GUCY2F: variants seen among roughly 807,000 people sequenced by gnomAD.
GUCY2F encodes retinal guanylyl cyclase 2.
Under a neutral mutation model 73.1 loss-of-function variants are expected in GUCY2F, and 61 were observed. The ratio of observed to expected loss-of-function variants is 0.83; its 90% CI spans 0.68 to 1.03. The LOEUF (loss-of-function observed/expected upper bound fraction) is 1.03, where lower values mean the gene tolerates loss of function less well. Ranked by LOEUF, GUCY2F falls within the 50% of genes least tolerant of loss-of-function variation. The pLI is 0.00. For missense variants in GUCY2F, 912 were observed against 854.3 expected, an observed-to-expected ratio of 1.07 and a Z score of -0.84; for synonymous variants, 331 against 307.8, an observed-to-expected ratio of 1.08 and a Z score of -0.79.
At chrX:109,410,968 C>T (rs1261641360) in intron 8 of GUCY2F, among the ~76,000 whole-genome samples, 1 of 110,989 alleles carries the variant, frequency 9.0e-6, no homozygotes, top group African/African-American at 3.3e-5. Flanking sequence ...TCCCATGAGA[C>T]TTTATGAACC....
chrX:109,472,895 A>C (rs1173076412), intron 2 of GUCY2F, among the ~76,000 whole-genome samples: 2 of 111,600 alleles, frequency 1.8e-5, no homozygotes, highest in Admixed American at 1.9e-4. Flanking sequence ...CCCTTCCACC[A>C]TTCCCCCTGT....
At chrX:109,471,221 T>A (rs1932567404) in intron 2 of GUCY2F, among the ~76,000 whole-genome samples, 1 of 111,722 alleles carries the variant, frequency 9.0e-6, no homozygotes, top group South Asian at 3.8e-4. Context: ...TTTGGAAGGA[T>A]TGAAAGGAAA....
rs180864202 is a variant in GUCY2F, at chrX:109,413,211, T to C, written c.1792-4043A>G. ...GCAGGTAGATGCCTACATGCAGTCA[T>C]GTCCTACCAAGATTCTGGACAACCC... is the stretch of plus-strand genomic sequence containing the variant. On this transcript the variant is annotated intron_variant, in intron 8 of 19. Transcript: ENST00000218006. 5.4e-4 allele frequency among the ~76,000 whole-genome samples: 60 copies of C among 112,132 alleles called. 1 individual carries two copies. The highest frequency in any genetic ancestry group is 3.8e-4 in the Admixed American group (4 of 10,605).
chrX:109,479,881 CAAA>C (rs773942569), intron 1 of GUCY2F, among the ~76,000 whole-genome samples: 2 of 102,630 alleles, frequency 1.9e-5, no homozygotes, highest in Non-Finnish European at 2.0e-5. Context: ...AGACTAACTA[CAAA>C]AAAAAAATGG....
chrX:109,398,721 T>G, intron 10 of GUCY2F, 23 bp from the exon 11 acceptor site: 1 of 1,193,374 alleles, frequency 8.4e-7, no homozygotes, highest in South Asian at 1.8e-5. Context: ...CATTGTGTAA[T>G]GAATGCAGGG....
chrX:109,413,887 T>C lies in GUCY2F; in HGVS notation c.1792-4719A>G, dbSNP rs921916478. Among the ~76,000 whole-genome samples the C allele has an allele frequency of 2.7e-5, 3 of 111,540 alleles. 1 individual carries two copies. In the Admixed American group the frequency reaches 2.8e-4, roughly 11 times the overall value. Reference sequence around the variant, plus strand: ...CTTTATGAAAATGTCATTCTCCACATAAGTGCTCACCCGCAGCTATATCAG... The same window carrying C: ...CTTTATGAAAATGTCATTCTCCACACAAGTGCTCACCCGCAGCTATATCAG... On this transcript the variant is annotated intron_variant, in intron 8 of 19. Coordinates refer to ENST00000218006, the MANE Select transcript of GUCY2F (RefSeq NM_001522.3).
At chrX:109,456,854 C>T (rs187503879) in intron 3 of GUCY2F, among the ~76,000 whole-genome samples, 4 of 111,434 alleles carry the variant, frequency 3.6e-5, no homozygotes, top group African/African-American at 1.3e-4. Flanking sequence ...CAAGGGCACA[C>T]AATGTTAGCA....
intron 19 of GUCY2F, among the ~76,000 whole-genome samples, chrX:109,373,774 G>C (rs1217312569): frequency 8.9e-6 from 1 of 112,961 alleles, no homozygotes; most frequent in Admixed American, 9.3e-5. Flanking sequence ...GAGGGGGCTT[G>C]TCAGCCCAAA....
At chrX:109,424,139 A>G (rs750482374) in intron 8 of GUCY2F, among the ~76,000 whole-genome samples, 4 of 112,341 alleles carry the variant, frequency 3.6e-5, no homozygotes, top group Admixed American at 2.8e-4. Context: ...CATATATGAA[A>G]TGAACAACTT....
At chrX:109,441,822 T>C (rs1931878545) in intron 6 of GUCY2F, among the ~76,000 whole-genome samples, 1 of 110,749 alleles carries the variant, frequency 9.0e-6, no homozygotes, top group Non-Finnish European at 1.9e-5. Flanking sequence ...AAAGATGAAA[T>C]AAGTTTCCTA....
chrX:109,407,023 G>A (rs1930989968), intron 9 of GUCY2F, among the ~76,000 whole-genome samples: 1 of 112,426 alleles, frequency 8.9e-6, no homozygotes, highest in East Asian at 2.8e-4. Context: ...ATGTGGAAGT[G>A]ATTTTGGAAC....
chrX:109,448,668 C>A (rs1187796595), intron 5 of GUCY2F, among the ~76,000 whole-genome samples: 1 of 112,317 alleles, frequency 8.9e-6, no homozygotes, highest in Non-Finnish European at 1.9e-5. Flanking sequence ...AGAGCTGGAA[C>A]TTGAATCCTT....
chrX:109,397,762 T>C lies in GUCY2F; in HGVS notation c.2275+787A>G, dbSNP rs190599723. ...TCATGACTTAGATGCTTTGGATTAG[T>C]CCTAGCCAGTTATTTTGTAGAATGT... On this transcript the variant is annotated intron_variant, in intron 11 of 19. Coordinates refer to ENST00000218006, the MANE Select transcript of GUCY2F (RefSeq NM_001522.3). Among the ~76,000 whole-genome samples, 94 of 111,908 alleles carry C rather than the reference T, an allele frequency of 8.4e-4. No individual in the cohort carries two copies. The Middle Eastern group carries it at 0.018, about 22-fold the overall frequency.
In GUCY2F at chrX:109,398,631, T is replaced by G. The variant is rs1252675229; in HGVS notation, c.2193A>C (p.Gly731=). The G allele has an allele frequency of 1.7e-6, 2 of 1,206,734 alleles. No homozygotes were observed. The highest frequency in any genetic ancestry group is 2.2e-6 in the Non-Finnish European group (2 of 892,400). The part of the protein sequence containing the change: ...PRGSRLGSFA[G]DVYSFAIIMQ... ...TGATGATGGCAAAGCTATAGACATC[T>G]CCTGCAAAAGAACCTAACCTGCTGC... The change falls in exon 11 of 20, where the codon GGA becomes GGC. Residue 731 remains glycine (G), a synonymous_variant. Coordinates refer to ENST00000218006, the MANE Select transcript of GUCY2F (RefSeq NM_001522.3).
intron 15 of GUCY2F, among the ~76,000 whole-genome samples, chrX:109,386,551 C>T (rs1458202538): frequency 9.0e-6 from 1 of 111,674 alleles, no homozygotes; most frequent in Non-Finnish European, 1.9e-5. Context: ...TCTTGAACCA[C>T]TAGAGAATTT....
chrX:109,398,525 G>T, intron 11 of GUCY2F, 24 bp downstream of exon 11: 1 of 1,191,590 alleles, frequency 8.4e-7, no homozygotes, highest in Non-Finnish European at 1.1e-6. Context: ...GACCCCTGGG[G>T]CCCTTTTCTC....
intron 2 of GUCY2F, among the ~76,000 whole-genome samples, chrX:109,466,993 C>A (rs1172037660): frequency 1.8e-5 from 2 of 112,068 alleles, no homozygotes; most frequent in Non-Finnish European, 3.8e-5. Flanking sequence ...CATGAGTTTT[C>A]AAATGACCAT....
intron 2 of GUCY2F, among the ~76,000 whole-genome samples, chrX:109,474,193 T>C (rs961447383): frequency 9.0e-6 from 1 of 111,504 alleles, no homozygotes; most frequent in Admixed American, 9.5e-5. Flanking sequence ...TCCTTAACAA[T>C]GGTTAAGGAA....
intron 10 of GUCY2F, among the ~76,000 whole-genome samples, chrX:109,400,793 AT>A (rs1388568122): frequency 8.9e-6 from 1 of 112,261 alleles, no homozygotes; most frequent in Non-Finnish European, 1.9e-5. Flanking sequence ...GAAGATTTAT[AT>A]TTACAAATCA....
Sources: allele counts gnomAD v4.1 joint callset (sites outside exome capture counted in the v4.1 genomes callset), GRCh38; gene constraint gnomAD v4.1.1; transcripts MANE v1.5; gene names NCBI Gene and HGNC (gene_info 2026-07-23, HGNC 2026-07-21).